Variants in ASB4 observed in about 807,000 individuals in gnomAD.
ASB4 encodes the protein ankyrin repeat and SOCS box containing 4, also known as ankyrin repeat and SOCS box protein 4.
ASB4 carries 35 observed loss-of-function variants against 38.6 expected under a neutral mutation model. That is an observed-to-expected ratio of 0.91 (90% CI 0.69 to 1.20). ASB4 has a LOEUF of 1.20. Among genes scored for constraint, ASB4 ranks in the 50% most tolerant of loss-of-function variants. The pLI is 0.00. For synonymous variants in ASB4, 195 were observed against 201.3 expected (o/e 0.97, Z 0.26); for missense variants, 557 against 527.2 (o/e 1.06, Z -0.55).
intron 1 of ASB4, among the ~76,000 whole-genome samples, chr7:95,494,283 T>G (rs1251853993): frequency 6.6e-6 from 1 of 152,214 alleles, no homozygotes; most frequent in East Asian, 1.9e-4. Context: ...CATCGTAATA[T>G]TCTAGATTTC....
At chr7:95,549,610 T>A in the ASB4 span, among the ~76,000 whole-genome samples, 671 of 152,266 alleles carry the variant, frequency 4.4e-3, 6 homozygotes, top group African/African-American at 0.015. Context: ...ACTCCATTTT[T>A]AAAATGGATT....
intron 2 of ASB4, among the ~76,000 whole-genome samples, chr7:95,525,012 C>T (rs1479872557): frequency 1.3e-5 from 2 of 152,190 alleles, no homozygotes; most frequent in East Asian, 1.9e-4. Context: ...TTCAAAGTGT[C>T]TGCGTGCCTA....
chr7:95,550,289 C>A, the ASB4 span, among the ~76,000 whole-genome samples: 1 of 152,064 alleles, frequency 6.6e-6, no homozygotes, highest in Non-Finnish European at 1.5e-5. Context: ...GAGACTAAGC[C>A]AGGCCCTGCC....
At chr7:95,500,568 CAAAAAAAAAAA>C (rs771099175) in intron 2 of ASB4, among the ~76,000 whole-genome samples, 3 of 41,016 alleles carry the variant, frequency 7.3e-5, no homozygotes, top group African/African-American at 1.9e-4. Context: ...AGATCTGTCT[CAAAAAAAAAAA>C]AAAAAAAAAA....
intron 1 of ASB4, among the ~76,000 whole-genome samples, chr7:95,487,131 T>C (rs1011796426): frequency 6.6e-6 from 1 of 152,200 alleles, no homozygotes; most frequent in Non-Finnish European, 1.5e-5. Context: ...CAAATGCTAA[T>C]GGTACAGTAT....
chr7:95,541,282 G>T (rs922302599), downstream of ASB4, among the ~76,000 whole-genome samples: 11 of 152,214 alleles, frequency 7.2e-5, no homozygotes, highest in East Asian at 1.9e-3. Flanking sequence ...ATTGTTTTGA[G>T]GGTTAAGTTA....
At position 95,537,679 on chromosome 7, in the gene ASB4, C is replaced by T; in HGVS notation, c.1201C>T (p.His401Tyr). 6.2e-7 allele frequency: 1 copy of T among 1,613,874 alleles called. No homozygotes were observed. The highest frequency in any genetic ancestry group is 8.5e-7 in the Non-Finnish European group (1 of 1,179,834). The change falls in exon 5 of 5, where the codon CAT becomes TAT. Residue 401 changes from histidine to tyrosine, a missense_variant. Physicochemically the swap from His to Tyr is moderately conservative, Grantham distance 83. Transcript: ENST00000325885. ...AIRRTLHNRC[H>Y]RAIPLLSLPL... ...TAGAAGAACATTACACAACAGATGC[C>T]ATAGAGCAATTCCTTTGCTTTCCCT... is the stretch of plus-strand genomic sequence containing the variant.
chr7:95,480,119 G>T (rs777616006), intron 1 of ASB4, among the ~76,000 whole-genome samples: 1 of 152,124 alleles, frequency 6.6e-6, no homozygotes, highest in Non-Finnish European at 1.5e-5. Flanking sequence ...TTACTTGTTG[G>T]TCCACAGGAG....
At chr7:95,517,810 G>C (rs1790605381) in intron 2 of ASB4, among the ~76,000 whole-genome samples, 1 of 152,076 alleles carries the variant, frequency 6.6e-6, no homozygotes, top group African/African-American at 2.4e-5. Context: ...GTGGAAAACA[G>C]AGACCACCCT....
intron 1 of ASB4, among the ~76,000 whole-genome samples, chr7:95,495,006 A>G (rs1467814568): frequency 6.6e-6 from 1 of 152,210 alleles, no homozygotes; most frequent in East Asian, 1.9e-4. Flanking sequence ...AGGAAATTCA[A>G]AGGCAAATTT....
chr7:95,512,022 T>C (rs1464952697), intron 2 of ASB4, among the ~76,000 whole-genome samples: 1 of 152,196 alleles, frequency 6.6e-6, no homozygotes, highest in Non-Finnish European at 1.5e-5. Flanking sequence ...TCAGCAAACC[T>C]GCCACTCCCT....
intron 2 of ASB4, among the ~76,000 whole-genome samples, chr7:95,507,592 C>T (rs1790427393): frequency 6.6e-6 from 1 of 152,136 alleles, no homozygotes; most frequent in Non-Finnish European, 1.5e-5. Context: ...CCATAAGTTT[C>T]AGGAGACCAG....
intron 1 of ASB4, among the ~76,000 whole-genome samples, chr7:95,493,370 GTGTGTGTGTGTGTGTGTGTGTA>G (rs1289854138): frequency 3.7e-5 from 4 of 108,818 alleles, no homozygotes; most frequent in African/African-American, 6.7e-5. Context: ...AAGTGTGTGT[GTGTGTGTGTGTGTGTGTGTGTA>G]TGTGTGTGTG....
chr7:95,542,480 G>C (rs1790983850), downstream of ASB4: 3 of 152,044 alleles, frequency 2.0e-5, no homozygotes, highest in Admixed American at 1.3e-4. Flanking sequence ...ACCCAAGCTG[G>C]AGTGCCATGG....
chr7:95,530,055 A>G (rs1790797111), intron 3 of ASB4, among the ~76,000 whole-genome samples: 1 of 151,024 alleles, frequency 6.6e-6, no homozygotes, highest in Non-Finnish European at 1.5e-5. Context: ...CAAAACAACA[A>G]CCAAATAAAT....
chr7:95,509,838 A>T (rs1479080691), intron 2 of ASB4, among the ~76,000 whole-genome samples: 1 of 152,158 alleles, frequency 6.6e-6, no homozygotes, highest in Non-Finnish European at 1.5e-5. Flanking sequence ...CTCCTTATTT[A>T]AAAAATGAGG....
chr7:95,508,614 G>A (rs1227930340), intron 2 of ASB4, among the ~76,000 whole-genome samples: 1 of 152,152 alleles, frequency 6.6e-6, no homozygotes, highest in Non-Finnish European at 1.5e-5. Context: ...GGTGGTTTTT[G>A]TCACACAGCA....
Position 95,495,774 on chromosome 7 carries a change from C to T in ASB4, c.204C>T (p.Ser68=). The stretch of plus-strand genomic sequence containing the variant: ...TTTTTTCAGGTTACTGGTTGCCTAG[C>T]TATAAATTGAAGTCTTCCTGGGCCA... ...ASYKQGYWLP[S]YKLKSSWATG... Residue 68 remains serine (S), a synonymous_variant, in exon 2 of 5, where the codon AGC becomes AGT. Coordinates refer to ENST00000325885, the MANE Select transcript of ASB4 (RefSeq NM_016116.3). 6.3e-7 allele frequency: 1 copy of T among 1,592,936 alleles called. No individual in the cohort carries two copies. Among genetic ancestry groups the T allele is most frequent in the Non-Finnish European group, 8.6e-7 (1 of 1,167,806 alleles).
At chr7:95,541,767 G>A (rs1790973237), downstream of ASB4, among the ~76,000 whole-genome samples, 1 of 152,156 alleles carries the variant, frequency 6.6e-6, no homozygotes, top group African/African-American at 2.4e-5. Flanking sequence ...CATCTTCAGT[G>A]GGGGAAAGAG....
Sources: allele counts gnomAD v4.1 joint callset (sites outside exome capture counted in the v4.1 genomes callset), GRCh38; gene constraint gnomAD v4.1.1; transcripts MANE v1.5; gene names NCBI Gene and HGNC (gene_info 2026-07-23, HGNC 2026-07-21).